DPP6: variants seen among roughly 807,000 people sequenced by gnomAD.
The protein encoded by DPP6 is A-type potassium channel modulatory protein DPP6.
A neutral mutation model predicts 122.6 loss-of-function variants in DPP6; 69 were observed. The ratio of observed to expected loss-of-function variants is 0.56; its 90% CI spans 0.46 to 0.69. The LOEUF (loss-of-function observed/expected upper bound fraction) is 0.69, where lower values mean the gene tolerates loss of function less well. Among genes scored for constraint, DPP6 ranks in the 30% least tolerant of loss-of-function variants. DPP6 has a pLI of 0.00. For missense variants in DPP6, 928 were observed against 1,116.9 expected (o/e 0.83, Z 2.41); for synonymous variants, 418 against 433.1 (o/e 0.97, Z 0.43).
chr7:154,029,859 AAAGAAAAAAGAAAAAAAG>A (rs1563114950), intron 1 of DPP6, among the ~76,000 whole-genome samples: 1 of 149,890 alleles, frequency 6.7e-6, no homozygotes, highest in African/African-American at 2.5e-5. Context: ...AAAAAAAAGT[AAAGAAAAAAGAAAAAAAG>A]AAAAAAATTG....
chr7:154,255,210 G>C (rs974706951), intron 1 of DPP6, among the ~76,000 whole-genome samples: 14 of 152,092 alleles, frequency 9.2e-5, no homozygotes, highest in African/African-American at 2.9e-4. Context: ...TGCTGGGGCT[G>C]AGGTCCAGTG....
intron 1 of DPP6, among the ~76,000 whole-genome samples, chr7:153,931,877 C>G (rs1237665233): frequency 6.6e-6 from 1 of 152,200 alleles, no homozygotes; most frequent in Non-Finnish European, 1.5e-5. Flanking sequence ...ATCGCCTGAT[C>G]AGCTGAGGAT....
intron 1 of DPP6, among the ~76,000 whole-genome samples, chr7:153,975,378 G>T (rs886760248): frequency 1.8e-5 from 2 of 112,008 alleles, no homozygotes; most frequent in African/African-American, 7.1e-5. Flanking sequence ...AGCCTACAAA[G>T]ATTTTCTAGA....
At chr7:154,400,340 G>A (rs1386309711) in intron 1 of DPP6, among the ~76,000 whole-genome samples, 3 of 152,266 alleles carry the variant, frequency 2.0e-5, no homozygotes, top group South Asian at 2.1e-4. Flanking sequence ...ATGGCTCCAC[G>A]CCATGTTTTG....
intron 4 of DPP6, among the ~76,000 whole-genome samples, chr7:154,561,552 A>G (rs1830426732): frequency 6.6e-6 from 1 of 152,238 alleles, no homozygotes; most frequent in African/African-American, 2.4e-5. Flanking sequence ...AAAAGCAATA[A>G]TATCAAAATT....
rs560687992 is a variant in DPP6 at position 154,296,269 on chromosome 7, C to G, written c.244-149945C>G. Among the ~76,000 whole-genome samples the G allele has an allele frequency of 3.3e-5, 5 of 152,188 alleles. No individual in the cohort carries two copies. The South Asian group carries it at 1.0e-3, about 32-fold the overall frequency. ...GCCGTTGCTTCTAATTGCTGCTTAG[C>G]CTTGCATGGTTGCATCCAGTCTGTT... is the stretch of plus-strand genomic sequence containing the variant. On this transcript the variant is annotated intron_variant, in intron 1 of 25. Coordinates refer to ENST00000377770, the MANE Select transcript of DPP6 (RefSeq NM_130797.4).
Position 153,939,104 on chromosome 7 carries a change from G to A in DPP6, c.51+51370G>A, listed in dbSNP as rs182868847. The stretch of plus-strand genomic sequence containing the variant: ...GAAAAATCATAAAGGGTAGAATGAT[G>A]TCATTTTTTAATATATTATTTTCAT... On this transcript the variant is annotated intron_variant, in intron 1 of 25. Transcript: ENST00000404039. 7.9e-5 allele frequency among the ~76,000 whole-genome samples: 12 copies of A among 152,172 alleles called. No homozygotes were observed. In the East Asian group the frequency reaches 1.7e-3, roughly 22 times the overall value.
At chr7:154,392,641 A>C (rs1814721730) in intron 1 of DPP6, among the ~76,000 whole-genome samples, 1 of 152,232 alleles carries the variant, frequency 6.6e-6, no homozygotes, top group Non-Finnish European at 1.5e-5. Context: ...GAAGCAAAGC[A>C]GCATTTCTTG....
At chr7:153,951,385 C>T (rs556780181) in intron 1 of DPP6, among the ~76,000 whole-genome samples, 1 of 152,180 alleles carries the variant, frequency 6.6e-6, no homozygotes, top group South Asian at 2.1e-4. Context: ...TAGAAGCGCT[C>T]GAGGTCAGTC....
chr7:154,575,391 T>C, intron 5 of DPP6, among the ~76,000 whole-genome samples: 1 of 97,898 alleles, frequency 1.0e-5, no homozygotes, highest in Non-Finnish European at 2.0e-5. Flanking sequence ...GTGATGTGTG[T>C]GTAGTGTGTG....
At chr7:153,834,133 A>G in the DPP6 span, among the ~76,000 whole-genome samples, 1 of 152,076 alleles carries the variant, frequency 6.6e-6, no homozygotes, top group African/African-American at 2.4e-5. Flanking sequence ...CTAAAAACAC[A>G]AAACTTAGCC....
At chr7:153,792,657 G>GTCCT in the DPP6 span, among the ~76,000 whole-genome samples, 1 of 148,352 alleles carries the variant, frequency 6.7e-6, no homozygotes, top group Non-Finnish European at 1.5e-5. Context: ...TCTTAAAGTT[G>GTCCT]TTCTTTTTTT....
At chr7:154,798,689 C>G (rs544406759) in intron 12 of DPP6, among the ~76,000 whole-genome samples, 1 of 152,222 alleles carries the variant, frequency 6.6e-6, no homozygotes, top group African/African-American at 2.4e-5. Context: ...GCCAGGATGT[C>G]TCTGAAGACC....
chr7:153,957,503 C>A (rs1554418117), intron 1 of DPP6, among the ~76,000 whole-genome samples: 1 of 152,178 alleles, frequency 6.6e-6, no homozygotes, highest in Non-Finnish European at 1.5e-5. Flanking sequence ...GAAGTTGGAG[C>A]AGTAAAGCTG....
chr7:154,723,467 T>TA (rs1208571045), intron 7 of DPP6, among the ~76,000 whole-genome samples: 11 of 89,206 alleles, frequency 1.2e-4, no homozygotes, highest in Non-Finnish European at 1.7e-4. Flanking sequence ...ACATTTATTT[T>TA]TAAAAAAAAA....
chr7:154,004,206 G>A (rs1349169700), intron 1 of DPP6, among the ~76,000 whole-genome samples: 1 of 152,180 alleles, frequency 6.6e-6, no homozygotes, highest in Non-Finnish European at 1.5e-5. Context: ...GAATGGTAAA[G>A]AAGTATAATT....
intron 1 of DPP6, among the ~76,000 whole-genome samples, chr7:154,315,332 A>C (rs1426267810): frequency 6.6e-6 from 1 of 152,184 alleles, no homozygotes; most frequent in African/African-American, 2.4e-5. Flanking sequence ...ATGTTGAAAC[A>C]TCTGGAAATT....
intron 1 of DPP6, among the ~76,000 whole-genome samples, chr7:153,932,315 T>G (rs921290942): frequency 8.5e-5 from 13 of 152,048 alleles, no homozygotes; most frequent in Non-Finnish European, 1.6e-4. Flanking sequence ...GACACGGGGT[T>G]TCACCATGTT....
intron 1 of DPP6, among the ~76,000 whole-genome samples, chr7:154,154,516 G>GA (rs1796584995): frequency 6.6e-6 from 1 of 152,114 alleles, no homozygotes. Flanking sequence ...CCAAGAAACA[G>GA]AAAAAACAGC....
Sources: allele counts gnomAD v4.1 joint callset (sites outside exome capture counted in the v4.1 genomes callset), GRCh38; gene constraint gnomAD v4.1.1; transcripts MANE v1.5; gene names NCBI Gene and HGNC (gene_info 2026-07-23, HGNC 2026-07-21).